MTSS1: variants seen among roughly 807,000 people sequenced by gnomAD.
The protein encoded by MTSS1 is protein MTSS 1.
A neutral mutation model predicts 79.0 loss-of-function variants in MTSS1; 18 were observed. The ratio of observed to expected loss-of-function variants is 0.23; its 90% CI spans 0.16 to 0.34. The LOEUF (loss-of-function observed/expected upper bound fraction) is 0.34, where lower values mean the gene tolerates loss of function less well. MTSS1 is among the 10% of genes least tolerant of loss of function. The pLI, the probability that MTSS1 is intolerant of heterozygous loss-of-function variation, is 1.00. For synonymous variants in MTSS1, 341 were observed against 368.6 expected (o/e 0.93, Z 0.86); for missense variants, 815 against 986.2 (o/e 0.83, Z 2.33).
At chr8:124,563,118 T>A (rs1042169406) in intron 9 of MTSS1, 126 bp from the exon 10 acceptor site, 30 of 779,566 alleles carry the variant, frequency 3.8e-5, no homozygotes, top group Non-Finnish European at 5.7e-5. Context: ...ATAATGCAAT[T>A]AGCTCTCTGC....
At chr8:124,657,183 T>A (rs1026158295) in intron 3 of MTSS1, among the ~76,000 whole-genome samples, 1 of 152,148 alleles carries the variant, frequency 6.6e-6, no homozygotes, top group Non-Finnish European at 1.5e-5. Context: ...GCAGAGTCCA[T>A]GCATCCACGT....
At chr8:124,635,275 G>A (rs901286481) in intron 3 of MTSS1, among the ~76,000 whole-genome samples, 6 of 150,042 alleles carry the variant, frequency 4.0e-5, no homozygotes, top group Non-Finnish European at 8.8e-5. Context: ...AGGGAACAGA[G>A]TCAAATGACA....
At chr8:124,568,241 G>A (rs552307643) in intron 7 of MTSS1, 138 bp downstream of exon 7, 97 of 983,902 alleles carry the variant, frequency 9.9e-5, no homozygotes, top group Admixed American at 3.9e-4. Flanking sequence ...GCACTGAATC[G>A]CTGGTCTGTA....
intron 3 of MTSS1, among the ~76,000 whole-genome samples, chr8:124,696,000 T>G (rs946382805): frequency 6.6e-6 from 1 of 152,074 alleles, no homozygotes; most frequent in African/African-American, 2.4e-5. Flanking sequence ...TTCAATTTTT[T>G]TTTTGGACAC....
chr8:124,555,839 G>A lies in MTSS1; in HGVS notation c.1470C>T (p.Asp490=), dbSNP rs541948818. The change falls in exon 13 of 14, where the codon GAC becomes GAT. Residue 490 remains aspartate, a synonymous_variant. Coordinates refer to ENST00000518547, the MANE Select transcript of MTSS1 (RefSeq NM_014751.6). The stretch of plus-strand genomic sequence containing the variant: ...GCGAGTCCCGGCTGCTCCTCTGGGT[G>A]TCCAGCTGCAGGCCCCGAGACAGGG... ...ALALSRGLQL[D]TQRSSRDSLQ... The A allele has an allele frequency of 1.2e-6, 2 of 1,613,240 alleles. No individual in the cohort carries two copies. The highest frequency in any genetic ancestry group is 1.7e-6 in the Non-Finnish European group (2 of 1,179,950).
In MTSS1 at chr8:124,632,484, A is replaced by C. The variant is rs2133835029; in HGVS notation, c.209-41249T>G. Among the ~76,000 whole-genome samples the C allele has an allele frequency of 2.0e-5, 3 of 152,166 alleles. No homozygotes were observed. In the Middle Eastern group the frequency reaches 0.01, roughly 518 times the overall value. On this transcript the variant is annotated intron_variant, in intron 3 of 13. Transcript: ENST00000518547. Reference sequence around the variant, plus strand: ...GGCAACATAGTAAGACCCCACCTCTACAAAAAATTAAAATAAAAAATTCAA... The same window carrying C: ...GGCAACATAGTAAGACCCCACCTCTCCAAAAAATTAAAATAAAAAATTCAA...
At chr8:124,641,599 A>G (rs1818067765) in intron 3 of MTSS1, among the ~76,000 whole-genome samples, 1 of 152,244 alleles carries the variant, frequency 6.6e-6, no homozygotes, top group East Asian at 1.9e-4. Context: ...CACAGTGCCT[A>G]GCAACATGCT....
intron 3 of MTSS1, among the ~76,000 whole-genome samples, chr8:124,693,982 A>C (rs1250013474): frequency 6.6e-6 from 1 of 152,184 alleles, no homozygotes; most frequent in Non-Finnish European, 1.5e-5. Context: ...GGAAATATTT[A>C]CTCAAGGTCA....
rs762880213 is a variant in MTSS1 at position 124,582,611 on chromosome 8, G to A, written c.460+2476C>T. ...TATCTGGCTGCATACATCAGATTCC[G>A]TCTATCAGGACAAAAAAAAAAATGT... On this transcript the variant is annotated intron_variant, in intron 6 of 13. Coordinates refer to ENST00000518547, the MANE Select transcript of MTSS1 (RefSeq NM_014751.6). The surrounding 1 kb of genome is among the most constrained non-coding windows in gnomAD (Gnocchi z 4.8). Among the ~76,000 whole-genome samples, 6 of 151,246 alleles carry A rather than the reference G, an allele frequency of 4.0e-5. No individual in the cohort carries two copies. The highest frequency in any genetic ancestry group is 1.5e-4 in the African/African-American group (6 of 41,256).
At chr8:124,581,617 G>A (rs1017684895) in intron 6 of MTSS1, among the ~76,000 whole-genome samples, 2 of 151,688 alleles carry the variant, frequency 1.3e-5, no homozygotes, top group African/African-American at 2.4e-5. Context: ...CACCACGCCC[G>A]GCTAATTTTT....
chr8:124,682,075 G>A (rs1826211761), intron 3 of MTSS1, among the ~76,000 whole-genome samples: 2 of 152,156 alleles, frequency 1.3e-5, no homozygotes, highest in Admixed American at 6.5e-5. Flanking sequence ...AAGTCACACT[G>A]CAAAAAAGAG....
intron 3 of MTSS1, among the ~76,000 whole-genome samples, chr8:124,696,712 G>C (rs1002524053): frequency 6.6e-6 from 1 of 152,014 alleles, no homozygotes; most frequent in African/African-American, 2.4e-5. Flanking sequence ...TTAGCTGGGC[G>C]TGATGGTGGG....
intron 6 of MTSS1, 152 bp downstream of exon 6, chr8:124,584,935 A>G (rs1830600367): frequency 3.0e-6 from 2 of 660,282 alleles, no homozygotes; most frequent in African/African-American, 3.6e-5. Context: ...CTGCACTTTG[A>G]GAATGTGAAC....
chr8:124,692,841 C>T (rs936966729), intron 3 of MTSS1, among the ~76,000 whole-genome samples: 2 of 152,144 alleles, frequency 1.3e-5, no homozygotes, highest in Non-Finnish European at 2.9e-5. Context: ...CGCAGTCGTT[C>T]ATTCAGCAGA....
intron 3 of MTSS1, among the ~76,000 whole-genome samples, chr8:124,652,885 T>C (rs997867273): frequency 6.6e-6 from 1 of 151,900 alleles, no homozygotes; most frequent in Non-Finnish European, 1.5e-5. Flanking sequence ...CCTAAAATGC[T>C]CTGAAGTTCT....
At chr8:124,557,596 G>T in intron 11 of MTSS1, 85 bp downstream of exon 11, 2 of 1,301,690 alleles carry the variant, frequency 1.5e-6, no homozygotes, top group Non-Finnish European at 2.1e-6. Context: ...GGGATGAGGG[G>T]ATAGTCGGGG....
rs190887690 is a variant in MTSS1 at position 124,555,727 on chromosome 8, C to T, written c.1567+15G>A. ...GCTCAGAAAGCCTAAGTGCACACCC[C>T]AGGCTGCCTCGTACCTTGGGAAGGG... On this transcript the variant is annotated intron_variant, in intron 13 of 13. Coordinates refer to ENST00000518547, the MANE Select transcript of MTSS1 (RefSeq NM_014751.6). 3.8e-4 allele frequency: 603 copies of T among 1,594,330 alleles called. 2 individuals carry two copies. The East Asian group carries it at 0.013, about 33-fold the overall frequency.
chr8:124,642,646 G>T (rs1818269754), intron 3 of MTSS1, among the ~76,000 whole-genome samples: 1 of 151,856 alleles, frequency 6.6e-6, no homozygotes, highest in Admixed American at 6.6e-5. Flanking sequence ...AGTCTGCATT[G>T]CAATGGCATG....
chr8:124,720,511 T>TA (rs1832751890), intron 1 of MTSS1, among the ~76,000 whole-genome samples: 1 of 152,206 alleles, frequency 6.6e-6, no homozygotes, highest in African/African-American at 2.4e-5. Context: ...GTATCTGACT[T>TA]ACAAATGTCC....
Sources: allele counts gnomAD v4.1 joint callset (sites outside exome capture counted in the v4.1 genomes callset), GRCh38; gene constraint gnomAD v4.1.1; non-coding constraint Gnocchi (gnomAD v3.1); transcripts MANE v1.5; gene names NCBI Gene and HGNC (gene_info 2026-07-23, HGNC 2026-07-21).